The following CDH13 variants were observed in gnomAD, a reference collection of about 807,000 sequenced individuals.
The protein encoded by CDH13 is cadherin-13.
In CDH13, 24 loss-of-function variants were observed where a neutral mutation model predicts 63.8. The observed-to-expected ratio is 0.38, with a 90% confidence interval of 0.27 to 0.53. The LOEUF is 0.53. Among genes scored for constraint, CDH13 ranks in the 20% least tolerant of loss-of-function variants. The probability of loss-of-function intolerance (pLI) is 0.85; values close to 1 mark genes in which losing one functional copy is unlikely to be tolerated. For synonymous variants in CDH13, 503 were observed against 355.3 expected, an observed-to-expected ratio of 1.42 and a Z score of -4.67; for missense variants, 1,049 against 903.1, an observed-to-expected ratio of 1.16 and a Z score of -2.07.
intron 7 of CDH13, among the ~76,000 whole-genome samples, chr16:83,517,919 C>A (rs545053680): frequency 2.6e-5 from 4 of 152,060 alleles, no homozygotes; most frequent in Non-Finnish European, 5.9e-5. Context: ...ATATTATTAT[C>A]GTTCTCATTT....
intron 13 of CDH13, among the ~76,000 whole-genome samples, chr16:83,784,178 G>T (rs142501543): frequency 3.3e-5 from 5 of 152,070 alleles, no homozygotes; most frequent in African/African-American, 1.2e-4. Flanking sequence ...AGAACGTATC[G>T]GTGTAATTGT....
At chr16:82,685,923 C>T (rs1007859523) in intron 1 of CDH13, among the ~76,000 whole-genome samples, 2 of 152,132 alleles carry the variant, frequency 1.3e-5, no homozygotes, top group Non-Finnish European at 2.9e-5. Flanking sequence ...TGGCCGCCAC[C>T]CACATATCAT....
At chr16:83,407,092 A>G (rs2092058896) in intron 6 of CDH13, among the ~76,000 whole-genome samples, 1 of 152,188 alleles carries the variant, frequency 6.6e-6, no homozygotes, top group Non-Finnish European at 1.5e-5. Context: ...TTCAACAGAT[A>G]ATTTTGAGCG....
intron 7 of CDH13, among the ~76,000 whole-genome samples, chr16:83,514,244 G>A (rs1311981486): frequency 2.0e-5 from 3 of 152,188 alleles, no homozygotes; most frequent in Admixed American, 6.5e-5. Context: ...CCAAATTCAT[G>A]TCTACCCAGA....
chr16:82,686,996 G>A (rs976107768), intron 1 of CDH13, among the ~76,000 whole-genome samples: 1 of 152,212 alleles, frequency 6.6e-6, no homozygotes, highest in Admixed American at 6.5e-5. Flanking sequence ...AATAAAGATT[G>A]TGTATGGGAA....
intron 2 of CDH13, among the ~76,000 whole-genome samples, chr16:82,994,633 AAATT>A (rs1912010066): frequency 2.0e-5 from 3 of 152,218 alleles, no homozygotes; most frequent in South Asian, 2.1e-4. Flanking sequence ...CTCTTTTTAA[AAATT>A]AATCAAGTTC....
chr16:83,311,795 C>A (rs1402059444), intron 5 of CDH13, among the ~76,000 whole-genome samples: 2 of 152,192 alleles, frequency 1.3e-5, no homozygotes, highest in East Asian at 1.9e-4. Context: ...AAGAACCTTG[C>A]CAGGTGCAGT....
chr16:83,301,873 G>A (rs1567575610), intron 5 of CDH13, among the ~76,000 whole-genome samples: 1 of 151,906 alleles, frequency 6.6e-6, no homozygotes, highest in African/African-American at 2.4e-5. Context: ...TAGGCAGGGA[G>A]AGGGGTGCTC....
intron 3 of CDH13, among the ~76,000 whole-genome samples, chr16:83,108,933 T>G (rs1484896150): frequency 6.6e-6 from 1 of 152,170 alleles, no homozygotes; most frequent in Non-Finnish European, 1.5e-5. Context: ...AATGTACTTG[T>G]TAATGCTTCC....
intron 2 of CDH13, among the ~76,000 whole-genome samples, chr16:82,865,937 C>G (rs935208646): frequency 2.0e-5 from 3 of 152,140 alleles, no homozygotes; most frequent in African/African-American, 7.2e-5. Context: ...CTTTTAAGAG[C>G]ACCCATGTCA....
At chr16:83,541,045 GTTGGAGTATTCATGT>G (rs2075287705) in intron 7 of CDH13, among the ~76,000 whole-genome samples, 1 of 152,098 alleles carries the variant, frequency 6.6e-6, no homozygotes, top group Non-Finnish European at 1.5e-5. Context: ...ACGTCTCCTG[GTTGGAGTATTCATGT>G]TCACTCCCGC....
chr16:83,310,736 G>A (rs1353435902), intron 5 of CDH13, among the ~76,000 whole-genome samples: 1 of 152,210 alleles, frequency 6.6e-6, no homozygotes, highest in Non-Finnish European at 1.5e-5. Context: ...CAGCACAATA[G>A]TGTCTGCTGC....
At chr16:83,040,931 A>G (rs1481373672) in intron 3 of CDH13, among the ~76,000 whole-genome samples, 2 of 152,188 alleles carry the variant, frequency 1.3e-5, no homozygotes, top group African/African-American at 4.8e-5. Flanking sequence ...ACCAAATTCT[A>G]TGATTTCTGT....
chr16:83,680,086 C>T (rs148889239), intron 10 of CDH13, among the ~76,000 whole-genome samples: 2 of 152,156 alleles, frequency 1.3e-5, no homozygotes, highest in East Asian at 3.8e-4. Flanking sequence ...ATACTATATA[C>T]GATGGAGGAA....
intron 10 of CDH13, among the ~76,000 whole-genome samples, chr16:83,726,688 A>T (rs2150945302): frequency 6.6e-6 from 1 of 152,236 alleles, no homozygotes. Flanking sequence ...ACAAAAAAAA[A>T]TTAGCCGAGC....
chr16:83,204,679 C>A (rs2039131308), intron 4 of CDH13, among the ~76,000 whole-genome samples: 1 of 152,102 alleles, frequency 6.6e-6, no homozygotes, highest in African/African-American at 2.4e-5. Context: ...GTGTGTTAAT[C>A]AGGATAGGTT....
At chr16:82,952,500 A>G (rs1010922299) in intron 2 of CDH13, among the ~76,000 whole-genome samples, 2 of 152,226 alleles carry the variant, frequency 1.3e-5, no homozygotes, top group Admixed American at 6.5e-5. Flanking sequence ...TCAGATCCCT[A>G]CAATAGGAGA....
At chr16:83,233,278 C>G (rs1043950970) in intron 5 of CDH13, among the ~76,000 whole-genome samples, 5 of 152,160 alleles carry the variant, frequency 3.3e-5, no homozygotes, top group African/African-American at 1.2e-4. Flanking sequence ...TGCGTGAAGC[C>G]GACCCTTACC....
chr16:82,783,751 G>C (rs781342478), intron 1 of CDH13, among the ~76,000 whole-genome samples: 5 of 152,146 alleles, frequency 3.3e-5, no homozygotes, highest in Non-Finnish European at 5.9e-5. Flanking sequence ...TCCACACCTA[G>C]GATTTGATGT....
Sources: gnomAD v4.1 joint callset for allele counts (sites outside exome capture counted in the v4.1 genomes callset) on GRCh38, gnomAD v4.1.1 for gene constraint, MANE v1.5 for transcripts, NCBI Gene and HGNC (gene_info 2026-07-23, HGNC 2026-07-21) for gene names.